ATG2A: variants seen among roughly 807,000 people sequenced by gnomAD.
ATG2A encodes the protein autophagy-related protein 2 homolog A.
Under a neutral mutation model 214.2 loss-of-function variants are expected in ATG2A, and 103 were observed. The ratio of observed to expected loss-of-function variants is 0.48; its 90% CI spans 0.41 to 0.57. The LOEUF (loss-of-function observed/expected upper bound fraction) is 0.57. Ranked by LOEUF, ATG2A falls within the 20% of genes least tolerant of loss-of-function variation. The pLI is 0.00. For synonymous variants in ATG2A, 1,160 were observed against 1,142.1 expected (o/e 1.02, Z -0.32); for missense variants, 2,312 against 2,613.2 (o/e 0.88, Z 2.51).
intron 31 of ATG2A, among the ~76,000 whole-genome samples, chr11:64,899,124 C>T (rs1035864790): frequency 2.0e-5 from 3 of 152,138 alleles, no homozygotes; most frequent in East Asian, 1.9e-4. Flanking sequence ...AGGCTGGTCT[C>T]GAACTCCTGG....
chr11:64,899,156 C>T (rs770119808), intron 31 of ATG2A, among the ~76,000 whole-genome samples: 10 of 152,160 alleles, frequency 6.6e-5, no homozygotes, highest in Non-Finnish European at 1.2e-4. Flanking sequence ...CTGCCTGCCT[C>T]GTCCTCCCAA....
Position 64,894,869 on chromosome 11 carries a change from G to T in ATG2A, c.*104C>A. On this transcript the variant is annotated 3_prime_UTR_variant, in exon 41 of 41. Transcript: ENST00000377264. ...GGCTGGGAAGGCGTCCTTCACAGTG[G>T]CCATCCCCTGAAGGGCCAGGCCGGG... 3 of 1,346,926 alleles carry T rather than the reference G, an allele frequency of 2.2e-6. No homozygotes were observed. Among genetic ancestry groups the T allele is most frequent in the Non-Finnish European group, 3.2e-6 (3 of 948,920 alleles). 83.4% of individuals were successfully genotyped at this position (1,346,926 alleles called of 1,614,324 possible).
At position 64,905,757 on chromosome 11, in the gene ATG2A, CAGG is replaced by C. The variant is rs1457554793; in HGVS notation, c.3353_3355del (p.Ser1118del). The C allele has an allele frequency of 2.5e-6, 4 of 1,613,960 alleles. No individual in the cohort carries two copies. Among genetic ancestry groups the C allele is most frequent in the South Asian group, 1.1e-5 (1 of 91,088 alleles). On this transcript the variant is annotated inframe_deletion, in exon 23 of 41. Coordinates refer to ENST00000377264, the MANE Select transcript of ATG2A (RefSeq NM_015104.3). ...AGCCTGGTACCTATAGTCCACAGAGCAGGAGAACAGGTGTGTGTGCAGGATGGT... is the reference window on the plus strand; with the variant it reads ...AGCCTGGTACCTATAGTCCACAGAGCAGAACAGGTGTGTGTGCAGGATGGT...
intron 27 of ATG2A, 36 bp downstream of exon 27, chr11:64,902,480 G>T (rs762807953): frequency 6.5e-7 from 1 of 1,534,370 alleles, no homozygotes. Context: ...GCCTGGCCGA[G>T]CTCTGGTAGC....
Position 64,898,760 on chromosome 11 carries a change from A to T in ATG2A, c.4547T>A (p.Leu1516Gln), listed in dbSNP as rs1365774593. 1.2e-6 allele frequency: 2 copies of T among 1,613,916 alleles called. No homozygotes were observed. Among genetic ancestry groups the T allele is most frequent in the African/African-American group, 2.7e-5 (2 of 75,058 alleles). The change falls in exon 32 of 41, where the codon CTG becomes CAG. Residue 1516 changes from leucine (L) to glutamine (Q), a missense_variant. Leu to Gln is a moderately radical substitution (Grantham distance 113). Transcript: ENST00000377264. The surrounding 1 kb of genome is among the most constrained non-coding windows in gnomAD (Gnocchi z 4.5). ...APSQELEERP[L>Q]SRQVFIVQEL... ...CTGCACGATGAACACCTGACGGGACAGCGGTCGCTCCTCCAGCTCCTGGCT... is the reference window on the plus strand; with the variant it reads ...CTGCACGATGAACACCTGACGGGACTGCGGTCGCTCCTCCAGCTCCTGGCT...
intron 1 of ATG2A, among the ~76,000 whole-genome samples, chr11:64,916,319 A>G (rs684095): frequency 0.99 from 151,486 of 152,270 alleles, 75,361 homozygotes; most frequent in East Asian, 1. Context: ...TGGGAGATGT[A>G]GGTGGGGGCC....
rs556046223 is a variant in ATG2A at position 64,897,821 on chromosome 11, C to T, written c.4994+18G>A. 1.2e-5 allele frequency: 20 copies of T among 1,613,028 alleles called. No individual in the cohort carries two copies. The highest frequency in any genetic ancestry group is 1.1e-4 in the East Asian group (5 of 44,878). On this transcript the variant is annotated intron_variant, in intron 35 of 40. Transcript: ENST00000377264. ...GCAATCTGGCCCAGGGCCCCCCACC[C>T]GCAGTCCAGCAGCCTACCTGAAGTA...
Position 64,903,547 on chromosome 11 carries a change from T to C in ATG2A, c.3535+43A>G. ...GCTGCTCTGGGTGTGGCCGGGGCGG[T>C]GGTCCCTCAGAGGGGAGGGAGCCCA... On this transcript the variant is annotated intron_variant, in intron 25 of 40. Transcript: ENST00000377264. This position sits in a 1 kb window ranked among gnomAD's most constrained non-coding sequence, Gnocchi z 4.2. The C allele has an allele frequency of 2.6e-6, 4 of 1,519,740 alleles. No individual in the cohort carries two copies. Among genetic ancestry groups the C allele is most frequent in the Non-Finnish European group, 2.7e-6 (3 of 1,127,748 alleles). 94.1% of individuals were successfully genotyped at this position (1,519,740 alleles called of 1,614,324 possible).
Position 64,913,352 on chromosome 11 carries a change from C to A in ATG2A, c.640G>T (p.Val214Leu). 1 of 1,602,262 alleles carries A rather than the reference C, an allele frequency of 6.2e-7. No individual in the cohort carries two copies. Among genetic ancestry groups the A allele is most frequent in the Non-Finnish European group, 8.5e-7 (1 of 1,175,758 alleles). The part of the protein sequence containing the change: ...AVRDPSQAPP[V>L]DVHQPPAFLH... ...AAGGCAGGCGGCTGATGCACGTCCA[C>A]CGGCGGCGCCTGGCTTGGGTCCCGC... Residue 214 changes from valine to leucine, a missense_variant, in exon 5 of 41, where the codon GTG (valine) becomes TTG (leucine). Val to Leu is a conservative substitution (Grantham distance 32, BLOSUM62 1). Coordinates refer to ENST00000377264, the MANE Select transcript of ATG2A (RefSeq NM_015104.3). The surrounding 1 kb of genome is among the most constrained non-coding windows in gnomAD (Gnocchi z 4.3).
rs759331301 is a variant in ATG2A at position 64,905,544 on chromosome 11, T to G, written c.3464+19A>C. ...GCCCGGCGAGGGTGGGATGGCCCAG[T>G]GTGGGGCGGCCTGCATACCTGAGCA... On this transcript the variant is annotated intron_variant, in intron 24 of 40. Coordinates refer to ENST00000377264, the MANE Select transcript of ATG2A (RefSeq NM_015104.3). 1.9e-6 allele frequency: 3 copies of G among 1,602,256 alleles called. No individual in the cohort carries two copies. Among genetic ancestry groups the G allele is most frequent in the Non-Finnish European group, 2.6e-6 (3 of 1,174,794 alleles).
At chr11:64,901,328 CAT>C (rs1944344531) in intron 29 of ATG2A, among the ~76,000 whole-genome samples, 1 of 152,210 alleles carries the variant, frequency 6.6e-6, no homozygotes, top group Non-Finnish European at 1.5e-5. Flanking sequence ...GGACTGCAGA[CAT>C]GTGCCACCAT....
Position 64,897,463 on chromosome 11 carries a change from G to A in ATG2A, c.5099C>T (p.Ala1700Val). Residue 1700 changes from alanine (A) to valine (V), a missense_variant, in exon 37 of 41, where the codon GCC becomes GTC. Coordinates refer to ENST00000377264, the MANE Select transcript of ATG2A (RefSeq NM_015104.3). ...CTTCAGCTCGGAGCAGTTGAGTTGG[G>A]CCAGGCCGATGAGGAGGCCAGCAAA... ...GTFAGLLIGL[A>V]QLNCSELKLK... 1 of 1,576,582 alleles carries A rather than the reference G, an allele frequency of 6.3e-7. No homozygotes were observed. Among genetic ancestry groups the A allele is most frequent in the Non-Finnish European group, 8.6e-7 (1 of 1,160,946 alleles).
Position 64,894,599 on chromosome 11 carries a change from G to A in ATG2A, c.*374C>T, listed in dbSNP as rs1303308116. ...GCAGACACTGACCCACGCACTCACG[G>A]AGCTTAAAAATAATACATCGAACCA... On this transcript the variant is annotated 3_prime_UTR_variant, in exon 41 of 41. Transcript: ENST00000377264. 1 of 513,686 alleles carries A rather than the reference G, an allele frequency of 1.9e-6. No homozygotes were observed. Among genetic ancestry groups the A allele is most frequent in the Non-Finnish European group, 3.8e-6 (1 of 264,638 alleles). 31.8% of individuals were successfully genotyped at this position (513,686 alleles called of 1,614,324 possible).
In ATG2A at chr11:64,913,275, G is replaced by A. The variant is rs1338027976; in HGVS notation, c.717C>T (p.Leu239=). 1.9e-6 allele frequency: 3 copies of A among 1,611,592 alleles called. No individual in the cohort carries two copies. Among genetic ancestry groups the A allele is most frequent in the Non-Finnish European group, 2.5e-6 (3 of 1,179,640 alleles). Residue 239 remains leucine, a synonymous_variant, in exon 5 of 41, where the codon CTC becomes CTT. Coordinates refer to ENST00000377264, the MANE Select transcript of ATG2A (RefSeq NM_015104.3). The surrounding 1 kb of genome is among the most constrained non-coding windows in gnomAD (Gnocchi z 4.3). The part of the protein sequence containing the change: ...LAGVRLHYEE[L]PAQEEPPEPP... ...ATCAGAGCCCGCTCACCTGTGCCGG[G>A]AGCTCCTCGTAGTGCAGGCGGACCC...
At chr11:64,915,648 C>T (rs902251473) in intron 1 of ATG2A, among the ~76,000 whole-genome samples, 9 of 152,054 alleles carry the variant, frequency 5.9e-5, no homozygotes. Context: ...GGGCAGGGAA[C>T]AGGAGTAGGG....
chr11:64,909,088 C>T lies in ATG2A; in HGVS notation c.2267G>A (p.Gly756Glu). 6.2e-7 allele frequency: 1 copy of T among 1,613,248 alleles called. No individual in the cohort carries two copies. The highest frequency in any genetic ancestry group is 8.5e-7 in the Non-Finnish European group (1 of 1,179,942). ...STQWEVAPEKGEELELSVESP... is the reference protein window; with the variant it reads ...STQWEVAPEKEEELELSVESP... ...CTCCACTGACAGCTCCAGTTCCTCT[C>T]CCTTCTCCGGGGCCACCTCCCACTG... The change falls in exon 16 of 41, where the codon GGA becomes GAA. Residue 756 changes from glycine to glutamate, a missense_variant. Coordinates refer to ENST00000377264, the MANE Select transcript of ATG2A (RefSeq NM_015104.3).
chr11:64,909,423 C>T, intron 14 of ATG2A, 56 bp from the exon 15 acceptor site: 1 of 1,555,190 alleles, frequency 6.4e-7, no homozygotes, highest in Non-Finnish European at 8.8e-7. Flanking sequence ...CCTATTTCTT[C>T]CCCAATGCCC....
chr11:64,912,625 C>T, intron 6 of ATG2A: 1 of 563,510 alleles, frequency 1.8e-6, no homozygotes, highest in Non-Finnish European at 3.1e-6. Flanking sequence ...TGGAGTTTCA[C>T]TCTTGTTGCC....
Position 64,913,161 on chromosome 11 carries a change from G to A in ATG2A, c.727-25C>T. ...CCTGGGAGACGGGAGGATACAAGAG[G>A]GAAAGGTTGAGAAAATGGAGTCAGA... On this transcript the variant is annotated intron_variant, in intron 5 of 40. Coordinates refer to ENST00000377264, the MANE Select transcript of ATG2A (RefSeq NM_015104.3). The surrounding 1 kb of genome is among the most constrained non-coding windows in gnomAD (Gnocchi z 4.3). 2 of 1,595,284 alleles carry A rather than the reference G, an allele frequency of 1.3e-6. No homozygotes were observed. Among genetic ancestry groups the A allele is most frequent in the South Asian group, 1.1e-5 (1 of 88,812 alleles).
Sources: gnomAD v4.1 joint callset for allele counts (sites outside exome capture counted in the v4.1 genomes callset) on GRCh38, gnomAD v4.1.1 for gene constraint, Gnocchi (gnomAD v3.1) non-coding constraint, MANE v1.5 for transcripts, NCBI Gene and HGNC (gene_info 2026-07-23, HGNC 2026-07-21) for gene names.